The following GALNTL6 variants were observed in gnomAD, a reference collection of about 807,000 sequenced individuals.
The protein encoded by GALNTL6 is polypeptide N-acetylgalactosaminyltransferase like 6.
In GALNTL6, 46 loss-of-function variants were observed where a neutral mutation model predicts 73.7. The observed-to-expected ratio is 0.62, with a 90% CI of 0.49 to 0.80. The LOEUF is 0.80. Ranked by LOEUF, GALNTL6 falls within the 30% of genes least tolerant of loss-of-function variation. GALNTL6 has a pLI of 0.00. For synonymous variants in GALNTL6, 259 were observed against 263.7 expected, an observed-to-expected ratio of 0.98 and a Z score of 0.17; for missense variants, 604 against 755.0, an observed-to-expected ratio of 0.80 and a Z score of 2.34.
chr4:171,926,059 A>G (rs1410778212), intron 2 of GALNTL6, among the ~76,000 whole-genome samples: 1 of 152,118 alleles, frequency 6.6e-6, no homozygotes, highest in African/African-American at 2.4e-5. Flanking sequence ...TGTTAACCCT[A>G]TGCCTTATAT....
At chr4:172,958,067 C>T (rs1027109036) in intron 10 of GALNTL6, among the ~76,000 whole-genome samples, 2 of 152,128 alleles carry the variant, frequency 1.3e-5, no homozygotes, top group African/African-American at 4.8e-5. Flanking sequence ...ACAATGGTAA[C>T]TGTGGGAGAC....
chr4:172,749,174 A>T (rs2110773191), intron 5 of GALNTL6, among the ~76,000 whole-genome samples: 1 of 152,144 alleles, frequency 6.6e-6, no homozygotes, highest in Middle Eastern at 3.4e-3. Flanking sequence ...TCAATTAAAA[A>T]TTTAAAAAGA....
At chr4:172,038,629 C>A (rs762887854) in intron 2 of GALNTL6, among the ~76,000 whole-genome samples, 11 of 152,130 alleles carry the variant, frequency 7.2e-5, no homozygotes, top group Non-Finnish European at 1.6e-4. Flanking sequence ...CCGTTACCAG[C>A]CCCATCACTG....
intron 2 of GALNTL6, among the ~76,000 whole-genome samples, chr4:172,092,737 C>A (rs1034668621): frequency 1.3e-5 from 2 of 151,972 alleles, no homozygotes; most frequent in African/African-American, 4.8e-5. Flanking sequence ...GAATCTTTCT[C>A]TTTTTCTACC....
At chr4:171,847,156 TG>T (rs1579505926) in intron 2 of GALNTL6, among the ~76,000 whole-genome samples, 1 of 151,946 alleles carries the variant, frequency 6.6e-6, no homozygotes, top group East Asian at 1.9e-4. Flanking sequence ...AAGTGTATCT[TG>T]GAGATATTGC....
chr4:172,360,001 C>A (rs1742307231), intron 5 of GALNTL6, among the ~76,000 whole-genome samples: 1 of 152,140 alleles, frequency 6.6e-6, no homozygotes, highest in Admixed American at 6.6e-5. Flanking sequence ...TGCTCCAGAT[C>A]CCTTACACAT....
rs1179116563 is a variant in GALNTL6 at position 172,231,240 on chromosome 4, A to C, written c.247+1476A>C. 2.0e-5 allele frequency among the ~76,000 whole-genome samples: 3 copies of C among 152,276 alleles called. No individual in the cohort carries two copies. In the South Asian group the frequency reaches 6.2e-4, roughly 32 times the overall value. On this transcript the variant is annotated intron_variant, in intron 3 of 12. Coordinates refer to ENST00000506823, the MANE Select transcript of GALNTL6 (RefSeq NM_001034845.3). ...ACCACTTGTTTCTCCTTATGACCCC[A>C]GGATGCTGAAGTTTTTTGGAAATGT...
chr4:172,759,651 C>T (rs976590168), intron 5 of GALNTL6, among the ~76,000 whole-genome samples: 2 of 152,166 alleles, frequency 1.3e-5, no homozygotes, highest in Non-Finnish European at 2.9e-5. Flanking sequence ...GTAGCACTAA[C>T]CATGAACATT....
rs374549346 is a variant in GALNTL6, at chr4:171,972,153, G to A, written c.138+157435G>A. On this transcript the variant is annotated intron_variant, in intron 2 of 12. Coordinates refer to ENST00000506823, the MANE Select transcript of GALNTL6 (RefSeq NM_001034845.3). ...TTATTCACATGCCAAACAGAAACAA[G>A]CTCCACCTCTACAACTTGTAGTTTT... Among the ~76,000 whole-genome samples the A allele has an allele frequency of 3.3e-5, 5 of 152,184 alleles. No individual in the cohort carries two copies. In the South Asian group the frequency reaches 1.0e-3, roughly 32 times the overall value.
At chr4:172,660,112 A>G (rs533815934) in intron 5 of GALNTL6, among the ~76,000 whole-genome samples, 144 of 152,334 alleles carry the variant, frequency 9.5e-4, no homozygotes, top group Non-Finnish European at 1.4e-3. Context: ...TTTTTAGAAA[A>G]GAGGAAAACA....
chr4:172,865,520 A>G (rs1056974687), intron 7 of GALNTL6, among the ~76,000 whole-genome samples: 3 of 152,272 alleles, frequency 2.0e-5, no homozygotes, highest in Non-Finnish European at 1.5e-5. Context: ...TATATTTTAT[A>G]GTAATCAGAT....
intron 8 of GALNTL6, among the ~76,000 whole-genome samples, chr4:172,904,057 C>G (rs1746757914): frequency 6.6e-6 from 1 of 152,124 alleles, no homozygotes; most frequent in Non-Finnish European, 1.5e-5. Flanking sequence ...TTAGTTTTGA[C>G]ATGAACAATT....
At chr4:172,546,020 T>A (rs916442820) in intron 5 of GALNTL6, among the ~76,000 whole-genome samples, 2 of 152,218 alleles carry the variant, frequency 1.3e-5, no homozygotes, top group Non-Finnish European at 2.9e-5. Flanking sequence ...ATTTTGAATG[T>A]TTTAAATACA....
At chr4:172,493,598 T>C (rs1406147878) in intron 5 of GALNTL6, among the ~76,000 whole-genome samples, 1 of 152,160 alleles carries the variant, frequency 6.6e-6, no homozygotes, top group Non-Finnish European at 1.5e-5. Context: ...AGCTAGAGAT[T>C]ATTCATAACC....
intron 5 of GALNTL6, among the ~76,000 whole-genome samples, chr4:172,432,286 G>T (rs570952528): frequency 2.0e-5 from 3 of 151,698 alleles, no homozygotes; most frequent in African/African-American, 7.2e-5. Flanking sequence ...CTAGTATGCA[G>T]AGGAAATTGA....
At chr4:171,906,642 T>C (rs1241948890) in intron 2 of GALNTL6, among the ~76,000 whole-genome samples, 3 of 152,242 alleles carry the variant, frequency 2.0e-5, no homozygotes, top group Non-Finnish European at 2.9e-5. Flanking sequence ...TAACTCATTT[T>C]ATGAGGCCAG....
At chr4:172,260,918 A>C (rs1738236479) in intron 3 of GALNTL6, among the ~76,000 whole-genome samples, 1 of 151,340 alleles carries the variant, frequency 6.6e-6, no homozygotes, top group Admixed American at 6.6e-5. Flanking sequence ...TTGACTTGTG[A>C]ATATTAAGCC....
intron 3 of GALNTL6, among the ~76,000 whole-genome samples, chr4:172,289,719 G>C (rs749159480): frequency 3.3e-5 from 5 of 152,170 alleles, no homozygotes; most frequent in Non-Finnish European, 7.3e-5. Context: ...GCTGGCATGA[G>C]TTATTAACCA....
intron 2 of GALNTL6, among the ~76,000 whole-genome samples, chr4:171,889,546 T>A (rs545000000): frequency 6.6e-6 from 1 of 152,228 alleles, no homozygotes; most frequent in South Asian, 2.1e-4. Context: ...AAATAAGATT[T>A]ACATTTCTGA....
Sources: allele counts gnomAD v4.1 joint callset (sites outside exome capture counted in the v4.1 genomes callset), GRCh38; gene constraint gnomAD v4.1.1; transcripts MANE v1.5; gene names NCBI Gene and HGNC (gene_info 2026-07-23, HGNC 2026-07-21).